ITCH: variants seen among roughly 807,000 people sequenced by gnomAD.
The protein encoded by ITCH is E3 ubiquitin-protein ligase Itchy homolog.
ITCH carries 28 observed loss-of-function variants against 126.8 expected under a neutral mutation model. That is an observed-to-expected ratio of 0.22 (90% CI 0.16 to 0.30). The LOEUF (loss-of-function observed/expected upper bound fraction) is 0.30, where lower values mean the gene tolerates loss of function less well. Ranked by LOEUF, ITCH falls within the 10% of genes least tolerant of loss-of-function variation. The probability of loss-of-function intolerance (pLI) is 1.00; values close to 1 mark genes in which losing one functional copy is unlikely to be tolerated. For missense variants in ITCH, 631 were observed against 1,032.4 expected (o/e 0.61, Z 5.33); for synonymous variants, 342 against 340.0 (o/e 1.01, Z -0.06).
intron 16 of ITCH, among the ~76,000 whole-genome samples, 158 bp downstream of exon 16, chr20:34,471,673 GGTGTGTGTGTGT>G (rs10606931): frequency 2.3e-4 from 16 of 69,374 alleles, no homozygotes; most frequent in East Asian, 3.5e-4. Context: ...GGGCTTAAGG[GGTGTGTGTGTGT>G]GTGTGTGTGT....
chr20:34,406,535 C>CTT (rs758567140), intron 3 of ITCH, among the ~76,000 whole-genome samples: 7 of 139,102 alleles, frequency 5.0e-5, no homozygotes, highest in Admixed American at 7.3e-5. Context: ...GCTGCTGCTT[C>CTT]TTTTTTTTTT....
intron 3 of ITCH, among the ~76,000 whole-genome samples, chr20:34,404,216 A>AT (rs1568899773): frequency 1.3e-5 from 2 of 151,886 alleles, no homozygotes; most frequent in East Asian, 1.9e-4. Flanking sequence ...ATAGTTTTTT[A>AT]TTTTTTTGTT....
At position 34,511,557 on chromosome 20, in the gene ITCH, C is replaced by T. The variant is rs147362615; in HGVS notation, c.*3763C>T. ...TCTGGATTGTGGTATTGTTCCCAGA[C>T]CAAATCAAGGGTTGGACTGCTTATT... On this transcript the variant is annotated 3_prime_UTR_variant, in exon 25 of 25. Coordinates refer to ENST00000374864, the MANE Select transcript of ITCH (RefSeq NM_031483.7). 6.6e-6 allele frequency among the ~76,000 whole-genome samples: 1 copy of T among 152,096 alleles called. No individual in the cohort carries two copies. Among genetic ancestry groups the T allele is most frequent in the Non-Finnish European group, 1.5e-5 (1 of 67,986 alleles).
intron 23 of ITCH, among the ~76,000 whole-genome samples, chr20:34,499,486 A>T (rs1429616394): frequency 2.0e-5 from 3 of 150,686 alleles, no homozygotes; most frequent in African/African-American, 7.3e-5. Flanking sequence ...GTTGGTGTGT[A>T]GTTCATAATA....
At chr20:34,381,935 A>G (rs2038082401) in intron 2 of ITCH, among the ~76,000 whole-genome samples, 1 of 152,044 alleles carries the variant, frequency 6.6e-6, no homozygotes. Flanking sequence ...TTAATGAATA[A>G]CGTGTTTGGT....
At chr20:34,463,638 T>G (rs962545580) in intron 14 of ITCH, among the ~76,000 whole-genome samples, 17 of 152,146 alleles carry the variant, frequency 1.1e-4, no homozygotes, top group African/African-American at 4.1e-4. Flanking sequence ...ATCATATTTT[T>G]TTTTAAATAG....
At chr20:34,392,770 G>A (rs1568882919) in intron 2 of ITCH, among the ~76,000 whole-genome samples, 1 of 151,976 alleles carries the variant, frequency 6.6e-6, no homozygotes, top group African/African-American at 2.4e-5. Flanking sequence ...GGAGTACAGT[G>A]GTGTGATCAT....
At chr20:34,466,322 T>A (rs1203852103) in intron 14 of ITCH, 1 of 523,846 alleles carries the variant, frequency 1.9e-6, no homozygotes. Flanking sequence ...ATTTTTTTGC[T>A]GATTTTTTTT....
chr20:34,448,372 G>A (rs773515422), intron 11 of ITCH, among the ~76,000 whole-genome samples: 7 of 151,334 alleles, frequency 4.6e-5, no homozygotes, highest in Non-Finnish European at 1.0e-4. Flanking sequence ...CAGCCTGGGC[G>A]ACAGAGTGAG....
At chr20:34,442,898 C>G (rs1245589442) in intron 10 of ITCH, among the ~76,000 whole-genome samples, 2 of 150,668 alleles carry the variant, frequency 1.3e-5, no homozygotes, top group African/African-American at 4.9e-5. Context: ...ATGGCATGAA[C>G]CCAGGAGGCG....
intron 18 of ITCH, 136 bp downstream of exon 18, chr20:34,479,925 G>A (rs1988574516): frequency 2.6e-6 from 2 of 778,206 alleles, no homozygotes; most frequent in African/African-American, 3.4e-5. Flanking sequence ...TTGAGACAGA[G>A]TCTTGCTCTG....
chr20:34,485,515 T>C (rs960521227), intron 20 of ITCH, among the ~76,000 whole-genome samples: 1 of 152,248 alleles, frequency 6.6e-6, no homozygotes, highest in African/African-American at 2.4e-5. Flanking sequence ...ATTGATCATT[T>C]GTAGCTCTTC....
intron 15 of ITCH, among the ~76,000 whole-genome samples, 180 bp downstream of exon 15, chr20:34,470,300 G>A (rs555037141): frequency 1.3e-5 from 2 of 152,000 alleles, no homozygotes; most frequent in Non-Finnish European, 2.9e-5. Flanking sequence ...TTGTGACTTT[G>A]GTTATTCAGA....
chr20:34,482,764 G>T (rs1203972969), intron 20 of ITCH, among the ~76,000 whole-genome samples: 1 of 152,126 alleles, frequency 6.6e-6, no homozygotes, highest in Non-Finnish European at 1.5e-5. Context: ...GCTCCACTAG[G>T]CAGTGCCCCA....
intron 4 of ITCH, among the ~76,000 whole-genome samples, chr20:34,409,941 G>A (rs969677557): frequency 3.9e-5 from 6 of 151,934 alleles, no homozygotes; most frequent in African/African-American, 1.5e-4. Flanking sequence ...GAGCCAGGAG[G>A]ATTGTGTGAG....
chr20:34,418,142 T>C (rs1488402758), intron 6 of ITCH, among the ~76,000 whole-genome samples: 3 of 151,862 alleles, frequency 2.0e-5, no homozygotes, highest in Non-Finnish European at 2.9e-5. Context: ...AATTTTTGTA[T>C]TTTTTGTAGA....
At chr20:34,366,263 G>C (rs1766859690) in intron 1 of ITCH, among the ~76,000 whole-genome samples, 1 of 152,072 alleles carries the variant, frequency 6.6e-6, no homozygotes, top group South Asian at 2.1e-4. Context: ...TTTTGTTGTT[G>C]AGACTGGGTC....
chr20:34,457,965 T>C (rs1290094932), intron 13 of ITCH, among the ~76,000 whole-genome samples: 35 of 151,698 alleles, frequency 2.3e-4, no homozygotes, highest in Admixed American at 2.3e-3. Context: ...AAGAAAACAA[T>C]AGAAAAGCAA....
chr20:34,499,891 T>A (rs1990144781), intron 23 of ITCH, among the ~76,000 whole-genome samples: 1 of 152,186 alleles, frequency 6.6e-6, no homozygotes, highest in African/African-American at 2.4e-5. Context: ...GTGTTTCCAT[T>A]TGCATTTGTT....
Sources: gnomAD v4.1 joint callset for allele counts (sites outside exome capture counted in the v4.1 genomes callset) on GRCh38, gnomAD v4.1.1 for gene constraint, MANE v1.5 for transcripts, NCBI Gene and HGNC (gene_info 2026-07-23, HGNC 2026-07-21) for gene names.